RARB: variants seen among roughly 807,000 people sequenced by gnomAD.
RARB encodes HBV-activated protein.
In RARB, 17 loss-of-function variants were observed where a neutral mutation model predicts 51.9. That is an observed-to-expected ratio of 0.33 (90% CI 0.22 to 0.49). The LOEUF (loss-of-function observed/expected upper bound fraction) is 0.49. RARB is among the 20% of genes least tolerant of loss of function. The probability of loss-of-function intolerance (pLI) is 0.99; values close to 1 mark genes in which losing one functional copy is unlikely to be tolerated. For synonymous variants in RARB, 215 were observed against 195.4 expected (o/e 1.10, Z -0.84); for missense variants, 369 against 550.8 (o/e 0.67, Z 3.30).
At chr3:25,000,333 G>A (rs977552272) in intron 2 of RARB, among the ~76,000 whole-genome samples, 11 of 152,024 alleles carry the variant, frequency 7.2e-5, no homozygotes, top group African/African-American at 2.7e-4. Context: ...AGTGGGAGGA[G>A]GCAGGTCAAG....
intron 2 of RARB, among the ~76,000 whole-genome samples, chr3:24,985,950 T>A (rs1050184946): frequency 6.6e-6 from 1 of 152,220 alleles, no homozygotes; most frequent in Non-Finnish European, 1.5e-5. Context: ...AACAGAGACT[T>A]AGCGCTCATC....
At chr3:25,189,891 G>A (rs1389038171) in intron 5 of RARB, among the ~76,000 whole-genome samples, 3 of 152,038 alleles carry the variant, frequency 2.0e-5, no homozygotes, top group Non-Finnish European at 4.4e-5. Flanking sequence ...TCTCAAAAAG[G>A]AACAGGAAAG....
At chr3:24,866,115 A>T (rs1702843014) in intron 2 of RARB, among the ~76,000 whole-genome samples, 1 of 152,234 alleles carries the variant, frequency 6.6e-6, no homozygotes, top group East Asian at 1.9e-4. Flanking sequence ...TGGCCCCAGG[A>T]TGAAGTCTAA....
chr3:25,254,627 C>T (rs552078241), intron 5 of RARB, among the ~76,000 whole-genome samples: 1 of 151,700 alleles, frequency 6.6e-6, no homozygotes, highest in South Asian at 2.1e-4. Flanking sequence ...GAAATCATGC[C>T]TAAAATATTT....
At chr3:25,583,279 G>A (rs1701255222) in intron 5 of RARB, among the ~76,000 whole-genome samples, 1 of 152,244 alleles carries the variant, frequency 6.6e-6, no homozygotes, top group Non-Finnish European at 1.5e-5. Context: ...TGGCAGAGCT[G>A]TTTAGAAGAA....
intron 2 of RARB, among the ~76,000 whole-genome samples, chr3:24,992,607 T>G (rs1696936432): frequency 6.6e-6 from 1 of 152,216 alleles, no homozygotes; most frequent in Admixed American, 6.5e-5. Context: ...TTTCTCACAA[T>G]TCTGAATCTT....
At chr3:25,160,878 C>T (rs1700462702) in intron 4 of RARB, among the ~76,000 whole-genome samples, 1 of 152,120 alleles carries the variant, frequency 6.6e-6, no homozygotes, top group Non-Finnish European at 1.5e-5. Flanking sequence ...CTTCAAAGCA[C>T]ATCACCCCAA....
chr3:25,226,534 A>C (rs1575234478), intron 5 of RARB, among the ~76,000 whole-genome samples: 1 of 152,242 alleles, frequency 6.6e-6, no homozygotes, highest in South Asian at 2.1e-4. Flanking sequence ...AAACCTACAA[A>C]CCTGCCAATC....
At chr3:25,074,835 G>A (rs1559456915) in intron 3 of RARB, among the ~76,000 whole-genome samples, 3 of 152,038 alleles carry the variant, frequency 2.0e-5, no homozygotes. Flanking sequence ...TGAGCTATAG[G>A]GTCACTGGGG....
At chr3:25,526,512 G>T in intron 3 of RARB, among the ~76,000 whole-genome samples, 1 of 152,146 alleles carries the variant, frequency 6.6e-6, no homozygotes, top group Non-Finnish European at 1.5e-5. Context: ...CATAATGATG[G>T]CTTGGACTAA....
chr3:25,343,162 A>G (rs957806432), intron 5 of RARB, among the ~76,000 whole-genome samples: 11 of 151,422 alleles, frequency 7.3e-5, no homozygotes, highest in Non-Finnish European at 1.5e-4. Context: ...CAAAGTGGCT[A>G]CTCTACAAAC....
At chr3:25,274,282 CT>C (rs1703325521) in intron 5 of RARB, among the ~76,000 whole-genome samples, 1 of 152,130 alleles carries the variant, frequency 6.6e-6, no homozygotes, top group Non-Finnish European at 1.5e-5. Flanking sequence ...TGTATTTATA[CT>C]AACAACACCT....
At chr3:25,191,865 A>T (rs1347198781) in intron 5 of RARB, among the ~76,000 whole-genome samples, 3 of 152,164 alleles carry the variant, frequency 2.0e-5, no homozygotes, top group Admixed American at 2.0e-4. Context: ...CTGATTACAT[A>T]GTCAAGGAAT....
chr3:25,409,050 C>T (rs1485281163), intron 5 of RARB, among the ~76,000 whole-genome samples: 1 of 152,156 alleles, frequency 6.6e-6, no homozygotes, highest in South Asian at 2.1e-4. Flanking sequence ...ATAATAACAA[C>T]AGCAACAACA....
At chr3:25,293,937 T>G (rs1439128845) in intron 5 of RARB, among the ~76,000 whole-genome samples, 1 of 152,186 alleles carries the variant, frequency 6.6e-6, no homozygotes, top group Non-Finnish European at 1.5e-5. Flanking sequence ...GCTCATCGGT[T>G]GTCTGCACCC....
intron 5 of RARB, among the ~76,000 whole-genome samples, chr3:25,375,968 G>A (rs1447467968): frequency 6.6e-6 from 1 of 152,072 alleles, no homozygotes; most frequent in Non-Finnish European, 1.5e-5. Flanking sequence ...TAAGAAATGG[G>A]GATAATGTTA....
chr3:25,299,279 C>A (rs906735835), intron 5 of RARB, among the ~76,000 whole-genome samples: 2 of 152,108 alleles, frequency 1.3e-5, no homozygotes, highest in Non-Finnish European at 2.9e-5. Context: ...TCACTGCAGC[C>A]TCGACATTTT....
chr3:25,224,034 TG>T (rs1702002270), intron 5 of RARB, among the ~76,000 whole-genome samples: 1 of 152,212 alleles, frequency 6.6e-6, no homozygotes, highest in Admixed American at 6.5e-5. Context: ...ATGGTACACT[TG>T]GAAACACAAC....
chr3:24,891,749 G>A (rs978981045), intron 2 of RARB, among the ~76,000 whole-genome samples: 11 of 152,218 alleles, frequency 7.2e-5, no homozygotes, highest in African/African-American at 2.4e-4. Context: ...GGGAGGTCAA[G>A]GAGAACAAAG....
Sources: allele counts gnomAD v4.1 joint callset (sites outside exome capture counted in the v4.1 genomes callset), GRCh38; gene constraint gnomAD v4.1.1; transcripts MANE v1.5; gene names NCBI Gene and HGNC (gene_info 2026-07-23, HGNC 2026-07-21).